Variants in FBXL5 observed in about 807,000 individuals in gnomAD.
FBXL5 encodes the protein F-box/LRR-repeat protein 5.
A neutral mutation model predicts 78.3 loss-of-function variants in FBXL5; 26 were observed. The ratio of observed to expected loss-of-function variants is 0.33; its 90% confidence interval spans 0.24 to 0.46. The LOEUF is 0.46. Among genes scored for constraint, FBXL5 ranks in the 20% least tolerant of loss-of-function variants. The probability of loss-of-function intolerance (pLI) is 1.00; values close to 1 mark genes in which losing one functional copy is unlikely to be tolerated. For missense variants in FBXL5, 710 were observed against 829.2 expected (o/e 0.86, Z 1.77); for synonymous variants, 295 against 282.5 (o/e 1.04, Z -0.45).
chr4:15,680,144 A>G (rs1264142460), intron 1 of FBXL5, among the ~76,000 whole-genome samples: 1 of 152,166 alleles, frequency 6.6e-6, no homozygotes, highest in African/African-American at 2.4e-5. Flanking sequence ...ACAATGCAGA[A>G]AATATTGAAG....
At position 15,605,573 on chromosome 4, in the gene FBXL5, TA is replaced by T; in HGVS notation, c.*149del. On this transcript the variant is annotated 3_prime_UTR_variant, in exon 11 of 11. Coordinates refer to ENST00000341285, the MANE Select transcript of FBXL5 (RefSeq NM_012161.4). ...GAGAAACAACATTACAATTCACTGG[TA>T]AATTAAGATTTCTGAAGTTGTAAGA... The T allele has an allele frequency of 1.6e-6, 1 of 626,730 alleles. No homozygotes were observed. The highest frequency in any genetic ancestry group is 2.8e-6 in the Non-Finnish European group (1 of 352,020). The allele number at this position is 626,730 out of a possible 1,614,324, so 38.8% of individuals were successfully genotyped here.
upstream of FBXL5, chr4:15,656,281 C>T (rs992191450): frequency 2.2e-6 from 1 of 456,186 alleles, no homozygotes; most frequent in Admixed American, 2.3e-5. Flanking sequence ...GGCCACAGAC[C>T]TCCTGGAGAC....
intron 1 of FBXL5, among the ~76,000 whole-genome samples, chr4:15,648,991 T>C (rs1334377142): frequency 6.6e-6 from 1 of 152,142 alleles, no homozygotes; most frequent in Non-Finnish European, 1.5e-5. Flanking sequence ...ACAATATTTA[T>C]TTGTCAATTA....
chr4:15,644,671 C>T lies in FBXL5; in HGVS notation c.122G>A (p.Arg41His). 6.2e-7 allele frequency: 1 copy of T among 1,610,366 alleles called. No homozygotes were observed. Among genetic ancestry groups the T allele is most frequent in the Non-Finnish European group, 8.5e-7 (1 of 1,178,110 alleles). ...KTNFSNNNDF[R>H]ALLQSLYATF... ...AGCATACAAAGACTGCAGAAGAGCA[C>T]GGAAATCGTTGTTGTTGGAAAAATT... Residue 41 changes from arginine (R) to histidine (H), a missense_variant, in exon 2 of 11, where the codon CGT becomes CAT. Arg to His is a conservative substitution (Grantham distance 29). This residue lies in a region of FBXL5 where 132 missense variants were observed against 156.9 expected (regional missense o/e 0.84). Coordinates refer to ENST00000341285, the MANE Select transcript of FBXL5 (RefSeq NM_012161.4).
intron 1 of FBXL5, among the ~76,000 whole-genome samples, chr4:15,654,035 T>C (rs374026261): frequency 2.0e-5 from 3 of 152,272 alleles, no homozygotes; most frequent in African/African-American, 7.2e-5. Flanking sequence ...AGGGAGAAGA[T>C]GGAGTGCTAA....
upstream of FBXL5, among the ~76,000 whole-genome samples, chr4:15,660,882 A>C (rs1717274377): frequency 6.6e-6 from 1 of 152,014 alleles, no homozygotes; most frequent in South Asian, 2.1e-4. Flanking sequence ...TTTGAAACCA[A>C]CCTGGGCAAC....
chr4:15,617,790 C>T (rs1039863552), intron 9 of FBXL5, among the ~76,000 whole-genome samples: 1 of 152,150 alleles, frequency 6.6e-6, no homozygotes, highest in East Asian at 1.9e-4. Flanking sequence ...GGAAACAACA[C>T]ATACTGGAGC....
At chr4:15,605,967 T>C (rs1487189182) in intron 10 of FBXL5, among the ~76,000 whole-genome samples, 168 bp from the exon 11 acceptor site, 1 of 152,190 alleles carries the variant, frequency 6.6e-6, no homozygotes, top group African/African-American at 2.4e-5. Context: ...CAAAACTCAA[T>C]AGCAGCTTGA....
At chr4:15,634,231 T>C (rs774766712) in intron 5 of FBXL5, among the ~76,000 whole-genome samples, 1 of 152,240 alleles carries the variant, frequency 6.6e-6, no homozygotes, top group African/African-American at 2.4e-5. Context: ...GTCACCCGGA[T>C]TGGAGTACAG....
At chr4:15,673,814 C>T (rs1219522790) in intron 1 of FBXL5, among the ~76,000 whole-genome samples, 1 of 152,174 alleles carries the variant, frequency 6.6e-6, no homozygotes, top group Non-Finnish European at 1.5e-5. Flanking sequence ...GCTCTATCAA[C>T]AGAGGGATTC....
At chr4:15,646,360 T>C (rs1374726829) in intron 1 of FBXL5, among the ~76,000 whole-genome samples, 1 of 109,366 alleles carries the variant, frequency 9.1e-6, no homozygotes, top group Non-Finnish European at 2.0e-5. Flanking sequence ...GTTAAATACA[T>C]ATTATAGATT....
At chr4:15,622,603 G>A (rs1433999311) in intron 9 of FBXL5, among the ~76,000 whole-genome samples, 1 of 152,112 alleles carries the variant, frequency 6.6e-6, no homozygotes, top group Non-Finnish European at 1.5e-5. Flanking sequence ...CTGATACTAT[G>A]TTTTCTGTCT....
chr4:15,664,718 C>T (rs546627789), upstream of FBXL5, among the ~76,000 whole-genome samples: 10 of 151,672 alleles, frequency 6.6e-5, no homozygotes, highest in Non-Finnish European at 1.5e-5. Flanking sequence ...ATACCACGCC[C>T]GGCTAACTTT....
chr4:15,608,868 T>C (rs1722057606), intron 10 of FBXL5, among the ~76,000 whole-genome samples: 1 of 152,286 alleles, frequency 6.6e-6, no homozygotes, highest in African/African-American at 2.4e-5. Flanking sequence ...GCTGAAGGCC[T>C]GAGCCAAAAC....
Position 15,630,660 on chromosome 4 carries a change from GC to G in FBXL5, c.892+5del. 1 of 1,556,532 alleles carries G rather than the reference GC, an allele frequency of 6.4e-7. No individual in the cohort carries two copies. The highest frequency in any genetic ancestry group is 8.6e-7 in the Non-Finnish European group (1 of 1,163,392). Reference sequence around the variant, plus strand: ...ATGTAATAATTTTAATTCCAAACAAGCTTACCAGATTCATCAATGTCAGCAT... The same window carrying G: ...ATGTAATAATTTTAATTCCAAACAAGTTACCAGATTCATCAATGTCAGCAT... On this transcript the variant is annotated splice_donor_5th_base_variant and intron_variant, in intron 6 of 10. Coordinates refer to ENST00000341285, the MANE Select transcript of FBXL5 (RefSeq NM_012161.4).
At chr4:15,653,046 A>T (rs1222268443) in intron 1 of FBXL5, among the ~76,000 whole-genome samples, 1 of 152,174 alleles carries the variant, frequency 6.6e-6, no homozygotes, top group African/African-American at 2.4e-5. Context: ...AGGACATCCT[A>T]AGAGAGATTT....
At chr4:15,665,668 T>C (rs1469416804) in intron 1 of FBXL5, among the ~76,000 whole-genome samples, 1 of 152,028 alleles carries the variant, frequency 6.6e-6, no homozygotes, top group Non-Finnish European at 1.5e-5. Context: ...AAATATGTAA[T>C]AAAAAATAAA....
intron 1 of FBXL5, among the ~76,000 whole-genome samples, chr4:15,671,597 G>A (rs1247841748): frequency 1.3e-5 from 2 of 152,000 alleles, no homozygotes; most frequent in Non-Finnish European, 2.9e-5. Context: ...TATGCTTCTT[G>A]TGCTTGGAGT....
intron 1 of FBXL5, among the ~76,000 whole-genome samples, chr4:15,675,529 T>C (rs1717951440): frequency 6.6e-6 from 1 of 151,102 alleles, no homozygotes; most frequent in Non-Finnish European, 1.5e-5. Context: ...ACTCAAGGAG[T>C]TGAACCTTCA....
Sources: gnomAD v4.1 joint callset for allele counts (sites outside exome capture counted in the v4.1 genomes callset) on GRCh38, gnomAD v4.1.1 for gene constraint, gnomAD v4.1.1 regional missense constraint, MANE v1.5 for transcripts, NCBI Gene and HGNC (gene_info 2026-07-23, HGNC 2026-07-21) for gene names.